The following LRTM1 variants were observed in gnomAD, a reference collection of about 807,000 sequenced individuals.
LRTM1 encodes leucine rich repeat transmembrane protein 1.
LRTM1 carries 38 observed loss-of-function variants against 32.4 expected under a neutral mutation model. The ratio of observed to expected loss-of-function variants is 1.17; its 90% CI spans 0.91 to 1.54. The LOEUF (loss-of-function observed/expected upper bound fraction) is 1.54, where lower values mean the gene tolerates loss of function less well. Ranked by LOEUF, LRTM1 falls within the 40% of genes most tolerant of loss-of-function variation. The pLI is 0.00. For synonymous variants in LRTM1, 186 were observed against 169.9 expected, an observed-to-expected ratio of 1.09 and a Z score of -0.74; for missense variants, 466 against 415.4, an observed-to-expected ratio of 1.12 and a Z score of -1.06.
intron 1 of LRTM1, among the ~76,000 whole-genome samples, chr3:54,946,831 A>AG (rs1701626783): frequency 7.1e-6 from 1 of 140,294 alleles, no homozygotes. Context: ...AAAAAAAAAA[A>AG]TGATGGGACC....
At chr3:54,935,351 CAT>C (rs1320131185) in intron 1 of LRTM1, among the ~76,000 whole-genome samples, 2 of 152,026 alleles carry the variant, frequency 1.3e-5, no homozygotes, top group Admixed American at 1.3e-4. Flanking sequence ...GCACTCAGGA[CAT>C]GTGTAAAGAT....
rs570063470 is a variant in LRTM1, at chr3:54,959,186, A to T, written c.-222+7742T>A. Among the ~76,000 whole-genome samples, 263 of 152,332 alleles carry T rather than the reference A, an allele frequency of 1.7e-3. 1 individual carries two copies. The Middle Eastern group carries it at 0.024, about 14-fold the overall frequency. ...GTCTGTATATTGAGTCTCGTGTTCC[A>T]CAAGGTACCAGTTGGGCCAAGCTGA... On this transcript the variant is annotated intron_variant, in intron 1 of 2. Coordinates refer to the LRTM1 transcript ENST00000493075.
At chr3:54,957,202 C>T (rs1217043787) in intron 1 of LRTM1, among the ~76,000 whole-genome samples, 1 of 151,446 alleles carries the variant, frequency 6.6e-6, no homozygotes, top group Admixed American at 6.6e-5. Flanking sequence ...TTCTGTCCCC[C>T]AGGCTGGAGT....
At chr3:54,962,701 T>C (rs1264774071) in intron 1 of LRTM1, among the ~76,000 whole-genome samples, 1 of 152,176 alleles carries the variant, frequency 6.6e-6, no homozygotes, top group Non-Finnish European at 1.5e-5. Flanking sequence ...CTGATTGGAA[T>C]TCACTGATGG....
At chr3:54,928,394 G>C (rs528712896), upstream of LRTM1, among the ~76,000 whole-genome samples, 1 of 152,104 alleles carries the variant, frequency 6.6e-6, no homozygotes, top group Admixed American at 6.5e-5. Flanking sequence ...TAACCATGCC[G>C]GGTCACCCCT....
chr3:54,926,670 T>C (rs1701030613), intron 1 of LRTM1, among the ~76,000 whole-genome samples: 1 of 152,246 alleles, frequency 6.6e-6, no homozygotes, highest in African/African-American at 2.4e-5. Context: ...CGTGGAAAGC[T>C]AATTCATTCC....
chr3:54,919,671 G>A (rs915166455), intron 2 of LRTM1, among the ~76,000 whole-genome samples: 18 of 152,328 alleles, frequency 1.2e-4, no homozygotes, highest in African/African-American at 4.1e-4. Context: ...GTCTAGTCTA[G>A]TGTGACCACT....
At position 54,927,928 on chromosome 3, in the gene LRTM1, G is replaced by A. The variant is rs1451028602; in HGVS notation, c.-17C>T. 1 of 1,613,496 alleles carries A rather than the reference G, an allele frequency of 6.2e-7. No individual in the cohort carries two copies. The highest frequency in any genetic ancestry group is 8.5e-7 in the Non-Finnish European group (1 of 1,179,584). On this transcript the variant is annotated 5_prime_UTR_variant, in exon 1 of 3. Transcript: ENST00000273286. ...ACCTTTCATGACTGAGTCTCCTTGG[G>A]CGTCCTTGCTGACCTCGTAGACCCT...
At chr3:54,921,945 T>G (rs1237176833) in intron 2 of LRTM1, among the ~76,000 whole-genome samples, 2 of 148,942 alleles carry the variant, frequency 1.3e-5, no homozygotes, top group Non-Finnish European at 3.0e-5. Flanking sequence ...CTCATATCTG[T>G]TCCCTTATTT....
At chr3:54,948,352 T>C (rs1701668652) in intron 1 of LRTM1, among the ~76,000 whole-genome samples, 2 of 152,140 alleles carry the variant, frequency 1.3e-5, no homozygotes, top group Admixed American at 1.3e-4. Flanking sequence ...TTCTTGATAA[T>C]TGTCATTAGA....
At chr3:54,965,906 C>T (rs542464144) in intron 1 of LRTM1, among the ~76,000 whole-genome samples, 30 of 152,052 alleles carry the variant, frequency 2.0e-4, no homozygotes, top group Admixed American at 7.9e-4. Context: ...AGGACCAGGA[C>T]GAGGATGCAG....
chr3:54,951,302 C>G (rs1170333771), intron 1 of LRTM1, among the ~76,000 whole-genome samples: 1 of 152,218 alleles, frequency 6.6e-6, no homozygotes, highest in Non-Finnish European at 1.5e-5. Context: ...AATAGCCAAG[C>G]CGCAGACAAG....
intron 1 of LRTM1, among the ~76,000 whole-genome samples, chr3:54,961,838 T>C (rs981121635): frequency 2.0e-5 from 3 of 152,034 alleles, no homozygotes; most frequent in Admixed American, 6.6e-5. Flanking sequence ...AGAAGCCGGG[T>C]AATTTGTAAA....
At position 54,924,736 on chromosome 3, in the gene LRTM1, G is replaced by C; in HGVS notation, c.487C>G (p.Arg163Gly). The change falls in exon 2 of 3, where the codon CGA becomes GGA. Residue 163 changes from arginine (R) to glycine (G), a missense_variant. Coordinates refer to ENST00000273286, the MANE Select transcript of LRTM1 (RefSeq NM_020678.4). ...VQQNQLQQLDRALLESMPSVR... is the reference protein window; with the variant it reads ...VQQNQLQQLDGALLESMPSVR... ...CTGGGCATGGATTCCAGGAGCGCTC[G>C]ATCAAGCTGCTGAAGCTGGTTTTGT... 1.2e-6 allele frequency: 2 copies of C among 1,614,136 alleles called. No homozygotes were observed. Among genetic ancestry groups the C allele is most frequent in the Middle Eastern group, 1.6e-4 (1 of 6,062 alleles).
upstream of LRTM1, among the ~76,000 whole-genome samples, chr3:54,930,094 T>G (rs1701146593): frequency 6.6e-6 from 1 of 152,176 alleles, no homozygotes; most frequent in Non-Finnish European, 1.5e-5. Flanking sequence ...AGACAATACA[T>G]AAATCAATGG....
chr3:54,940,030 G>A (rs1701428076), intron 1 of LRTM1, among the ~76,000 whole-genome samples: 2 of 149,724 alleles, frequency 1.3e-5, no homozygotes, highest in African/African-American at 2.5e-5. Context: ...CAGAAAGAGG[G>A]GTGGAAGATG....
At chr3:54,924,183 G>A (rs1047363464) in intron 2 of LRTM1, among the ~76,000 whole-genome samples, 1 of 152,134 alleles carries the variant, frequency 6.6e-6, no homozygotes, top group Non-Finnish European at 1.5e-5. Context: ...TTTTAGAAAA[G>A]AATTACAGTT....
chr3:54,940,441 AT>A (rs1441872077), intron 1 of LRTM1, among the ~76,000 whole-genome samples: 1 of 152,174 alleles, frequency 6.6e-6, no homozygotes, highest in Non-Finnish European at 1.5e-5. Context: ...TTCCTCACTG[AT>A]ATTTTATTAA....
At chr3:54,942,821 G>C (rs760819998) in intron 1 of LRTM1, among the ~76,000 whole-genome samples, 2 of 152,102 alleles carry the variant, frequency 1.3e-5, no homozygotes, top group Non-Finnish European at 2.9e-5. Context: ...TCAGGAGATT[G>C]AGACAATCCT....
Sources: allele counts gnomAD v4.1 joint callset (sites outside exome capture counted in the v4.1 genomes callset), GRCh38; gene constraint gnomAD v4.1.1; transcripts MANE v1.5; gene names NCBI Gene and HGNC (gene_info 2026-07-23, HGNC 2026-07-21).